SORCS2: variants seen among roughly 807,000 people sequenced by gnomAD.
SORCS2 encodes the protein sortilin related VPS10 domain containing receptor 2.
SORCS2 carries 100 observed loss-of-function variants against 141.6 expected under a neutral mutation model. The ratio of observed to expected loss-of-function variants is 0.71; its 90% CI spans 0.60 to 0.83. The LOEUF is 0.83. Among genes scored for constraint, SORCS2 ranks in the 40% least tolerant of loss-of-function variants. The pLI, the probability that SORCS2 is intolerant of heterozygous loss-of-function variation, is 0.00. For missense variants in SORCS2, 1,646 were observed against 1,560.2 expected (o/e 1.05, Z -0.93); for synonymous variants, 789 against 676.9 (o/e 1.17, Z -2.57).
chr4:7,455,355 C>T (rs796698935), intron 2 of SORCS2, among the ~76,000 whole-genome samples: 15 of 84,488 alleles, frequency 1.8e-4, no homozygotes, highest in Admixed American at 4.0e-4. Flanking sequence ...TGGGGTCAGG[C>T]GCTATGTTGG....
At chr4:7,334,181 G>C (rs939258899) in intron 1 of SORCS2, among the ~76,000 whole-genome samples, 2 of 152,184 alleles carry the variant, frequency 1.3e-5, no homozygotes, top group African/African-American at 2.4e-5. Context: ...TGCCCACACA[G>C]GCATGTTGGG....
intron 3 of SORCS2, among the ~76,000 whole-genome samples, chr4:7,603,599 T>A (rs977908929): frequency 2.6e-5 from 4 of 152,264 alleles, no homozygotes; most frequent in African/African-American, 9.6e-5. Flanking sequence ...TTTATTTCTT[T>A]AAACATGTGA....
intron 2 of SORCS2, among the ~76,000 whole-genome samples, chr4:7,408,396 T>C (rs900323647): frequency 1.3e-5 from 2 of 151,976 alleles, no homozygotes; most frequent in African/African-American, 2.4e-5. Context: ...GTTTTTTTTT[T>C]CTTTTAGCAC....
At position 7,201,274 on chromosome 4, in the gene SORCS2, G is replaced by A. The variant is rs969540836; in HGVS notation, c.480+8148G>A. The stretch of plus-strand genomic sequence containing the variant: ...GCGCTCATGGGCACAGGAGAGACTC[G>A]TGCGTTGATCAAGAAGCCTGGCTCG... On this transcript the variant is annotated intron_variant, in intron 1 of 26. Coordinates refer to ENST00000507866, the MANE Select transcript of SORCS2 (RefSeq NM_020777.3). The surrounding 1 kb of genome is among the most constrained non-coding windows in gnomAD (Gnocchi z 4.4). Among the ~76,000 whole-genome samples the A allele has an allele frequency of 3.3e-5, 5 of 152,238 alleles. No homozygotes were observed. Among genetic ancestry groups the A allele is most frequent in the African/African-American group, 9.6e-5 (4 of 41,462 alleles).
intron 5 of SORCS2, among the ~76,000 whole-genome samples, chr4:7,661,050 T>C (rs1387633542): frequency 3.3e-5 from 5 of 152,186 alleles, no homozygotes; most frequent in Admixed American, 3.3e-4. Context: ...ACAGTTTCCA[T>C]ATTTATAAAA....
intron 2 of SORCS2, among the ~76,000 whole-genome samples, chr4:7,456,288 A>G (rs1039435926): frequency 6.6e-6 from 1 of 152,184 alleles, no homozygotes; most frequent in Non-Finnish European, 1.5e-5. Context: ...ACAGGAGCTC[A>G]CTGGTGTTTG....
chr4:7,317,882 A>C (rs1718663830), intron 1 of SORCS2, among the ~76,000 whole-genome samples: 1 of 152,104 alleles, frequency 6.6e-6, no homozygotes, highest in African/African-American at 2.4e-5. Flanking sequence ...AGGAAGGCCC[A>C]TTGAACGCTG....
intron 3 of SORCS2, among the ~76,000 whole-genome samples, chr4:7,584,121 T>A (rs942676342): frequency 2.0e-5 from 3 of 152,250 alleles, no homozygotes; most frequent in Non-Finnish European, 4.4e-5. Flanking sequence ...ACAGTCCACA[T>A]GTTGGATCCT....
At chr4:7,608,703 G>T (rs1304507419) in intron 3 of SORCS2, among the ~76,000 whole-genome samples, 3 of 152,192 alleles carry the variant, frequency 2.0e-5, no homozygotes, top group Admixed American at 6.5e-5. Flanking sequence ...AGGCTTCTGT[G>T]CCATCTGTGG....
At chr4:7,535,233 C>T (rs1163428646) in intron 3 of SORCS2, among the ~76,000 whole-genome samples, 1 of 152,206 alleles carries the variant, frequency 6.6e-6, no homozygotes, top group Non-Finnish European at 1.5e-5. Context: ...ACCAGGAGGC[C>T]CACCAAGGGC....
At chr4:7,675,512 G>A (rs1349253487) in intron 8 of SORCS2, among the ~76,000 whole-genome samples, 1 of 152,230 alleles carries the variant, frequency 6.6e-6, no homozygotes, top group Non-Finnish European at 1.5e-5. Context: ...GCAGAGGACA[G>A]GGCCACACCT....
At chr4:7,269,225 C>T (rs1457057210) in intron 1 of SORCS2, among the ~76,000 whole-genome samples, 1 of 152,136 alleles carries the variant, frequency 6.6e-6, no homozygotes, top group Non-Finnish European at 1.5e-5. Context: ...CTGGTGGTGT[C>T]CCAGGAGGAT....
chr4:7,454,158 T>G (rs1318574550), intron 2 of SORCS2, among the ~76,000 whole-genome samples: 1 of 90,584 alleles, frequency 1.1e-5, no homozygotes. Flanking sequence ...TGGGGTCAGG[T>G]GCTGTGTGTT....
chr4:7,460,753 C>G (rs1454449629), intron 2 of SORCS2, among the ~76,000 whole-genome samples: 1 of 152,206 alleles, frequency 6.6e-6, no homozygotes, highest in Non-Finnish European at 1.5e-5. Flanking sequence ...CTCCCTAATC[C>G]TGGGTGTCCC....
chr4:7,702,933 G>C (rs189416237), intron 12 of SORCS2, among the ~76,000 whole-genome samples: 2 of 152,344 alleles, frequency 1.3e-5, no homozygotes, highest in South Asian at 4.1e-4. Context: ...GCTGTGTATC[G>C]TAAATATTTT....
chr4:7,642,699 A>T (rs932355859), intron 4 of SORCS2, among the ~76,000 whole-genome samples: 1 of 152,108 alleles, frequency 6.6e-6, no homozygotes, highest in Non-Finnish European at 1.5e-5. Flanking sequence ...TTACAGAAAC[A>T]AGCATTATTT....
At position 7,741,097 on chromosome 4, in the gene SORCS2, G is replaced by A. The variant is rs955128217; in HGVS notation, c.*833G>A. On this transcript the variant is annotated 3_prime_UTR_variant, in exon 27 of 27. Coordinates refer to ENST00000507866, the MANE Select transcript of SORCS2 (RefSeq NM_020777.3). ...CGCAGGCTTCTCCCACCTGATGGCTGTTCTCCCACCGGGTCTGGGCTCTGG... is the reference window on the plus strand; with the variant it reads ...CGCAGGCTTCTCCCACCTGATGGCTATTCTCCCACCGGGTCTGGGCTCTGG... 9 of 398,634 alleles carry A rather than the reference G, an allele frequency of 2.3e-5. No individual in the cohort carries two copies. The highest frequency in any genetic ancestry group is 3.5e-5 in the Non-Finnish European group (8 of 226,204). The allele number at this position is 398,634 out of a possible 1,614,324, so 24.7% of individuals were successfully genotyped here.
At chr4:7,636,878 C>A (rs778266813) in intron 3 of SORCS2, among the ~76,000 whole-genome samples, 9 of 152,058 alleles carry the variant, frequency 5.9e-5, no homozygotes, top group Non-Finnish European at 8.8e-5. Flanking sequence ...GCTGGGAGTC[C>A]AAGGTGTCGG....
At chr4:7,488,708 C>T (rs777108890) in intron 2 of SORCS2, among the ~76,000 whole-genome samples, 2 of 152,240 alleles carry the variant, frequency 1.3e-5, no homozygotes, top group Non-Finnish European at 2.9e-5. Context: ...CCAAGACGGG[C>T]ACGTGTCCGT....
Sources: gnomAD v4.1 joint callset for allele counts (sites outside exome capture counted in the v4.1 genomes callset) on GRCh38, gnomAD v4.1.1 for gene constraint, Gnocchi (gnomAD v3.1) non-coding constraint, MANE v1.5 for transcripts, NCBI Gene and HGNC (gene_info 2026-07-23, HGNC 2026-07-21) for gene names.